The following HEATR9 variants were observed in gnomAD, a reference collection of about 807,000 sequenced individuals.
HEATR9 encodes the protein protein HEATR9.
A neutral mutation model predicts 68.2 loss-of-function variants in HEATR9; 54 were observed. The observed-to-expected ratio is 0.79, with a 90% CI of 0.64 to 0.99. The LOEUF is 0.99. Ranked by LOEUF, HEATR9 falls within the 50% of genes least tolerant of loss-of-function variation. The pLI is 0.00. For synonymous variants in HEATR9, 241 were observed against 253.5 expected (o/e 0.95, Z 0.47); for missense variants, 662 against 679.7 (o/e 0.97, Z 0.29).
chr17:35,861,347 GT>G, intron 8 of HEATR9: 5 of 1,514,476 alleles, frequency 3.3e-6, no homozygotes, highest in East Asian at 4.5e-5. Context: ...TCATTTCTAT[GT>G]TTTTAAAATT....
At chr17:35,860,889 C>G (rs2087964197) in intron 8 of HEATR9, among the ~76,000 whole-genome samples, 1 of 151,508 alleles carries the variant, frequency 6.6e-6, no homozygotes, top group Non-Finnish European at 1.5e-5. Flanking sequence ...ATTAAAAATA[C>G]AAAAAAATTA....
chr17:35,866,985 C>T (rs1428130599), intron 1 of HEATR9, among the ~76,000 whole-genome samples: 1 of 152,108 alleles, frequency 6.6e-6, no homozygotes, highest in East Asian at 1.9e-4. Context: ...GGCGCAGTGG[C>T]TCACGCCTGT....
At chr17:35,860,933 C>G (rs2087966261) in intron 8 of HEATR9, among the ~76,000 whole-genome samples, 1 of 152,092 alleles carries the variant, frequency 6.6e-6, no homozygotes, top group Admixed American at 6.5e-5. Flanking sequence ...GTAATCCCAG[C>G]TACCTGGGAG....
Position 35,855,716 on chromosome 17 carries a change from T to G in HEATR9, c.1313A>C (p.His438Pro), listed in dbSNP as rs1358281506. The G allele has an allele frequency of 8.7e-6, 14 of 1,613,936 alleles. No individual in the cohort carries two copies. The highest frequency in any genetic ancestry group is 2.7e-5 in the African/African-American group (2 of 74,896). The stretch of plus-strand genomic sequence containing the variant: ...TGCATCTAGTAAGTCCAGGAGCAAG[T>G]GGAACACTTGTGGACTGCGGATCCC... Reference protein sequence around the residue: ...VLGIRSPQVFHLLLDLLDAEN... With the variant: ...VLGIRSPQVFPLLLDLLDAEN... The change falls in exon 14 of 15, where the codon CAC (histidine) becomes CCC (proline). Residue 438 changes from histidine to proline, a missense_variant. Transcript: ENST00000604834.
Position 35,855,079 on chromosome 17 carries a change from G to A in HEATR9, c.1697C>T (p.Ala566Val), listed in dbSNP as rs778118150. 3.1e-6 allele frequency: 5 copies of A among 1,611,174 alleles called. No individual in the cohort carries two copies. The African/African-American group carries it at 6.7e-5, about 22-fold the overall frequency. ...PRIKKQLRVLAEIAK is the reference protein window; with the variant it reads ...PRIKKQLRVLVEIAK The stretch of plus-strand genomic sequence containing the variant: ...AGAATTGACTTATTTGGCAATTTCA[G>A]CAAGGACCCGGAGCTGTTTCTTGAT... The change falls in exon 15 of 15, where the codon GCT becomes GTT. Residue 566 changes from alanine to valine, a missense_variant. Coordinates refer to ENST00000604834, the MANE Select transcript of HEATR9 (RefSeq NM_152781.4).
At chr17:35,859,208 TG>T in intron 8 of HEATR9, 138 bp from the exon 9 acceptor site, 1 of 750,464 alleles carries the variant, frequency 1.3e-6, no homozygotes, top group South Asian at 1.8e-5. Flanking sequence ...TTATTCTTGC[TG>T]TCACCTACTT....
chr17:35,863,367 A>G (rs1377102315), intron 7 of HEATR9, 135 bp downstream of exon 7: 7 of 1,044,792 alleles, frequency 6.7e-6, no homozygotes, highest in Non-Finnish European at 1.0e-5. Context: ...TTGGTTCAAC[A>G]TAACTGGGAT....
chr17:35,855,089 G>A lies in HEATR9; in HGVS notation c.1687C>T (p.Arg563Trp), dbSNP rs755947459. 20 of 1,613,572 alleles carry A rather than the reference G, an allele frequency of 1.2e-5. No homozygotes were observed. The highest frequency in any genetic ancestry group is 6.7e-5 in the East Asian group (3 of 44,882). The change falls in exon 15 of 15, where the codon CGG (arginine) becomes TGG (tryptophan). Residue 563 changes from arginine to tryptophan, a missense_variant. Physicochemically the swap from Arg to Trp is moderately radical, Grantham distance 101. Coordinates refer to ENST00000604834, the MANE Select transcript of HEATR9 (RefSeq NM_152781.4). ...PWQPRIKKQL[R>W]VLAEIAK The stretch of plus-strand genomic sequence containing the variant: ...TATTTGGCAATTTCAGCAAGGACCC[G>A]GAGCTGTTTCTTGATCCTTGGCTGC...
rs2087840585 is a variant in HEATR9 at position 35,858,116 on chromosome 17, G to A, written c.1152+84C>T. 9 of 1,558,698 alleles carry A rather than the reference G, an allele frequency of 5.8e-6. No homozygotes were observed. The Admixed American group carries it at 8.4e-5, about 15-fold the overall frequency. ...TAGGTCAGGATGAATGTGATACTTC[G>A]GTGGAGGCCAGGGGAGGTCTCCAGA... On this transcript the variant is annotated intron_variant, in intron 11 of 14. Transcript: ENST00000604834.
intron 8 of HEATR9, chr17:35,861,439 T>A: frequency 6.2e-7 from 1 of 1,605,006 alleles, no homozygotes; most frequent in Non-Finnish European, 8.5e-7. Context: ...AGGATTGCGC[T>A]TCTTTTTAAA....
At chr17:35,866,846 G>A in intron 1 of HEATR9, 73 bp from the exon 2 acceptor site, 1 of 1,469,986 alleles carries the variant, frequency 6.8e-7, no homozygotes, top group Non-Finnish European at 9.5e-7. Context: ...GGTGGCTTCT[G>A]CCTGTAATCC....
chr17:35,863,217 TA>T (rs1332126935), intron 7 of HEATR9, 92 bp from the exon 8 acceptor site: 51 of 1,550,172 alleles, frequency 3.3e-5, no homozygotes, highest in Non-Finnish European at 4.4e-5. Flanking sequence ...CATCGAGACC[TA>T]AGTTCCAAGT....
At chr17:35,866,596 T>A (rs2088204345) in intron 2 of HEATR9, 128 bp downstream of exon 2, 1 of 858,592 alleles carries the variant, frequency 1.2e-6, no homozygotes, top group African/African-American at 1.7e-5. Flanking sequence ...CTGTTCAAGA[T>A]CACAGTTAAT....
intron 3 of HEATR9, 82 bp downstream of exon 3, chr17:35,865,133 C>T: frequency 6.6e-7 from 1 of 1,506,796 alleles, no homozygotes; most frequent in South Asian, 1.3e-5. Context: ...GCCTTACTCC[C>T]TGGCCCACCC....
intron 2 of HEATR9, among the ~76,000 whole-genome samples, 194 bp from the exon 3 acceptor site, chr17:35,865,590 C>A (rs962196404): frequency 6.6e-6 from 1 of 152,166 alleles, no homozygotes; most frequent in East Asian, 1.9e-4. Flanking sequence ...CTATCAAAGT[C>A]TCAGTCTTCT....
At chr17:35,855,444 C>T (rs2087737434) in intron 14 of HEATR9, 34 bp from the exon 15 acceptor site, 5 of 1,587,298 alleles carry the variant, frequency 3.2e-6, no homozygotes, top group East Asian at 2.2e-5. Context: ...TGCTGGCTCA[C>T]TTTGGGTTCA....
rs377305682 is a variant in HEATR9, at chr17:35,858,639, TGCCTCTTC to T, written c.940-122_940-115del. On this transcript the variant is annotated intron_variant, in intron 9 of 14. Transcript: ENST00000604834. ...GAGGAACAGCTAAGGTCCTTTTTTCTGCCTCTTCGCCTCTTGACCACAGAAGTTCATGT... is the reference window on the plus strand; with the variant it reads ...GAGGAACAGCTAAGGTCCTTTTTTCTGCCTCTTGACCACAGAAGTTCATGT... 736 of 996,190 alleles carry T rather than the reference TGCCTCTTC, an allele frequency of 7.4e-4. 3 individuals are homozygous for T. In the African/African-American group the frequency reaches 0.01, roughly 14 times the overall value. 61.7% of individuals were successfully genotyped at this position (996,190 alleles called of 1,614,324 possible).
At chr17:35,867,104 A>C (rs1000945024) in intron 1 of HEATR9, among the ~76,000 whole-genome samples, 37 of 151,920 alleles carry the variant, frequency 2.4e-4, no homozygotes, top group African/African-American at 8.0e-4. Flanking sequence ...ACAAAAAAAA[A>C]AAAAAATTAG....
rs760170959 is a variant in HEATR9, at chr17:35,856,160, G to A, written c.1278+13C>T. The A allele has an allele frequency of 2.5e-6, 4 of 1,613,518 alleles. No homozygotes were observed. Among genetic ancestry groups the A allele is most frequent in the Non-Finnish European group, 2.5e-6 (3 of 1,179,646 alleles). Reference sequence around the variant, plus strand: ...ACACAGGAATTGGGTCAGAGAAGCAGAGCCTGCCTTACCAAAGAGATGACT... The same window carrying A: ...ACACAGGAATTGGGTCAGAGAAGCAAAGCCTGCCTTACCAAAGAGATGACT... On this transcript the variant is annotated intron_variant, in intron 13 of 14. Coordinates refer to ENST00000604834, the MANE Select transcript of HEATR9 (RefSeq NM_152781.4).
Sources: allele counts gnomAD v4.1 joint callset (sites outside exome capture counted in the v4.1 genomes callset), GRCh38; gene constraint gnomAD v4.1.1; transcripts MANE v1.5; gene names NCBI Gene and HGNC (gene_info 2026-07-23, HGNC 2026-07-21).